Variants in CNKSR3 observed in about 807,000 individuals in gnomAD.
CNKSR3 encodes connector enhancer of kinase suppressor of ras 3.
Under a neutral mutation model 67.7 loss-of-function variants are expected in CNKSR3, and 36 were observed. That is an observed-to-expected ratio of 0.53 (90% CI 0.41 to 0.70). The LOEUF is 0.70. Ranked by LOEUF, CNKSR3 falls within the 30% of genes least tolerant of loss-of-function variation. The pLI is 0.00. For missense variants in CNKSR3, 630 were observed against 695.2 expected, an observed-to-expected ratio of 0.91 and a Z score of 1.05; for synonymous variants, 281 against 271.4, an observed-to-expected ratio of 1.04 and a Z score of -0.35.
intron 4 of CNKSR3, among the ~76,000 whole-genome samples, chr6:154,438,117 T>A (rs1443332534): frequency 6.6e-6 from 1 of 152,202 alleles, no homozygotes; most frequent in Non-Finnish European, 1.5e-5. Context: ...TCTCATTTAA[T>A]CTTCATAACA....
At chr6:154,426,543 G>T (rs959985706) in intron 7 of CNKSR3, among the ~76,000 whole-genome samples, 5 of 152,000 alleles carry the variant, frequency 3.3e-5, no homozygotes, top group African/African-American at 1.2e-4. Flanking sequence ...TTTTAGTAGA[G>T]ACGGGGTTTC....
chr6:154,391,400 A>C lies in CNKSR3; in HGVS notation c.*14954T>G, dbSNP rs1474867385. 6.6e-6 allele frequency: 1 copy of C among 151,954 alleles called. No homozygotes were observed. Among genetic ancestry groups the C allele is most frequent in the Non-Finnish European group, 1.5e-5 (1 of 68,068 alleles). The allele number at this position is 151,954 out of a possible 1,614,324, so 9.4% of individuals were successfully genotyped here. ...AGGCGCCTGCCACCACAACTGGCTA[A>C]TTTTTTGTATTTTTAGTAGAGACAG... On this transcript the variant is annotated 3_prime_UTR_variant, in exon 13 of 13. Transcript: ENST00000607772.
chr6:154,431,379 G>C (rs1785364187), intron 5 of CNKSR3, among the ~76,000 whole-genome samples: 1 of 149,794 alleles, frequency 6.7e-6, no homozygotes, highest in African/African-American at 2.5e-5. Context: ...CAGAGGCAGA[G>C]GTTGCAGTAA....
intron 1 of CNKSR3, among the ~76,000 whole-genome samples, chr6:154,489,341 G>A (rs1582899465): frequency 6.6e-6 from 1 of 152,134 alleles, no homozygotes; most frequent in South Asian, 2.1e-4. Context: ...GACTAGTCTT[G>A]GTAACACGGT....
At chr6:154,499,540 T>A (rs1786941565) in intron 1 of CNKSR3, among the ~76,000 whole-genome samples, 1 of 152,218 alleles carries the variant, frequency 6.6e-6, no homozygotes, top group Non-Finnish European at 1.5e-5. Flanking sequence ...GCCCCGCATG[T>A]ATGTGCCTGG....
At chr6:154,507,240 C>T (rs78936498) in intron 1 of CNKSR3, among the ~76,000 whole-genome samples, 8,047 of 152,296 alleles carry the variant, frequency 0.053, 311 homozygotes, top group Middle Eastern at 0.1. Flanking sequence ...CAGGTTAATT[C>T]ATTCTGTAGA....
chr6:154,456,418 C>T (rs1217375839), intron 1 of CNKSR3, among the ~76,000 whole-genome samples: 1 of 151,566 alleles, frequency 6.6e-6, no homozygotes, highest in Non-Finnish European at 1.5e-5. Flanking sequence ...GTGACATGTG[C>T]CAGGCGCGGT....
chr6:154,492,940 C>G (rs1216152473), intron 1 of CNKSR3, among the ~76,000 whole-genome samples: 1 of 152,026 alleles, frequency 6.6e-6, no homozygotes, highest in Non-Finnish European at 1.5e-5. Flanking sequence ...ACCTGGCCAC[C>G]TCTCAATCTC....
At chr6:154,502,983 C>T (rs548805078) in intron 1 of CNKSR3, among the ~76,000 whole-genome samples, 11 of 152,254 alleles carry the variant, frequency 7.2e-5, no homozygotes, top group African/African-American at 2.4e-4. Flanking sequence ...ACGAAGGAGC[C>T]GGAGCAGGAG....
chr6:154,501,548 G>A (rs1272674868), intron 1 of CNKSR3, among the ~76,000 whole-genome samples: 2 of 151,698 alleles, frequency 1.3e-5, no homozygotes, highest in Non-Finnish European at 2.9e-5. Context: ...CGCACCTCAG[G>A]GCCTTTGCAT....
chr6:154,500,021 C>A (rs1040088535), intron 1 of CNKSR3, among the ~76,000 whole-genome samples: 1 of 151,596 alleles, frequency 6.6e-6, no homozygotes, highest in African/African-American at 2.4e-5. Context: ...GTTGTGTCAT[C>A]TGCTCATGGT....
At chr6:154,479,238 T>C (rs1231596503) in intron 1 of CNKSR3, among the ~76,000 whole-genome samples, 3 of 152,094 alleles carry the variant, frequency 2.0e-5, no homozygotes, top group Admixed American at 6.6e-5. Flanking sequence ...AAAATATTCT[T>C]TCAGTGCAGA....
chr6:154,441,726 G>C (rs1320211967), intron 3 of CNKSR3, among the ~76,000 whole-genome samples: 2 of 148,594 alleles, frequency 1.3e-5, no homozygotes, highest in Non-Finnish European at 1.5e-5. Flanking sequence ...AATAGAAAGA[G>C]AGAAGGAATA....
intron 6 of CNKSR3, among the ~76,000 whole-genome samples, chr6:154,430,124 C>T (rs1345354300): frequency 1.3e-5 from 2 of 152,218 alleles, no homozygotes; most frequent in African/African-American, 4.8e-5. Context: ...TTCTCACATT[C>T]ATCCTAAGTG....
At chr6:154,412,777 G>C (rs1784935987) in intron 10 of CNKSR3, among the ~76,000 whole-genome samples, 1 of 152,160 alleles carries the variant, frequency 6.6e-6, no homozygotes, top group Non-Finnish European at 1.5e-5. Flanking sequence ...AATTCTGATA[G>C]AAAGTAAAAT....
rs929318088 is a variant in CNKSR3, at chr6:154,422,542, G to A, written c.909C>T (p.Pro303=). 6 of 1,613,966 alleles carry A rather than the reference G, an allele frequency of 3.7e-6. No individual in the cohort carries two copies. Among genetic ancestry groups the A allele is most frequent in the Non-Finnish European group, 5.1e-6 (6 of 1,180,008 alleles). ...PTGSFNFTPA[P]LKNLRWKPPL... ...GTGGCTTCCACCGTAGGTTTTTCAG[G>A]GGAGCAGGAGTAAAGTTGAAAGACC... The change falls in exon 9 of 13, where the codon CCC becomes CCT. Residue 303 remains proline (P), a synonymous_variant. Transcript: ENST00000607772.
At chr6:154,454,113 AGAGAGAGAG>A (rs1785900086) in intron 1 of CNKSR3, among the ~76,000 whole-genome samples, 1 of 83,974 alleles carries the variant, frequency 1.2e-5, no homozygotes, top group South Asian at 5.2e-4. Flanking sequence ...ACAGAGAGAG[AGAGAGAGAG>A]AGAGAGAGAG....
At chr6:154,420,146 C>G (rs574308192) in intron 9 of CNKSR3, among the ~76,000 whole-genome samples, 1 of 151,548 alleles carries the variant, frequency 6.6e-6, no homozygotes, top group South Asian at 2.1e-4. Flanking sequence ...GAGGGATGAA[C>G]CTGGAGGACA....
chr6:154,409,022 C>T (rs1053929381), intron 12 of CNKSR3, among the ~76,000 whole-genome samples: 4 of 152,190 alleles, frequency 2.6e-5, no homozygotes, highest in Non-Finnish European at 1.5e-5. Context: ...ATCTAAACAA[C>T]GGACAGCCCT....
Sources: gnomAD v4.1 joint callset for allele counts (sites outside exome capture counted in the v4.1 genomes callset) on GRCh38, gnomAD v4.1.1 for gene constraint, MANE v1.5 for transcripts, NCBI Gene and HGNC (gene_info 2026-07-23, HGNC 2026-07-21) for gene names.